The following NEK10 variants were observed in gnomAD, a reference collection of about 807,000 sequenced individuals.
NEK10 encodes the protein NIMA related kinase 10, also known as serine/threonine-protein kinase Nek10.
Under a neutral mutation model 159.8 loss-of-function variants are expected in NEK10, and 122 were observed. The ratio of observed to expected loss-of-function variants is 0.76; its 90% confidence interval spans 0.66 to 0.89. The LOEUF (loss-of-function observed/expected upper bound fraction) is 0.89. NEK10 is among the 40% of genes least tolerant of loss of function. The pLI is 0.00. For missense variants in NEK10, 1,342 were observed against 1,323.1 expected, an observed-to-expected ratio of 1.01 and a Z score of -0.22; for synonymous variants, 466 against 457.1, an observed-to-expected ratio of 1.02 and a Z score of -0.25.
intron 1 of NEK10, among the ~76,000 whole-genome samples, chr3:27,365,619 T>TTTTTTTTTTAGATTTTTTTG (rs2049019692): frequency 7.3e-6 from 1 of 137,828 alleles, no homozygotes; most frequent in Non-Finnish European, 1.5e-5. Context: ...TGTTTTTTTT[T>TTTTTTTTTTAGATTTTTTTG]TTTTTTTTTT....
intron 25 of NEK10, among the ~76,000 whole-genome samples, chr3:27,197,135 C>T (rs141210126): frequency 7.2e-4 from 110 of 151,912 alleles, no homozygotes; most frequent in Middle Eastern, 3.4e-3. Flanking sequence ...AAAACAGGGA[C>T]GCAGAAATAA....
At chr3:27,347,881 C>T (rs1038350439) in intron 3 of NEK10, among the ~76,000 whole-genome samples, 3 of 152,082 alleles carry the variant, frequency 2.0e-5, no homozygotes, top group Admixed American at 2.0e-4. Context: ...TCTCTCTGTG[C>T]ATCAGTTTCT....
At chr3:27,151,864 C>A (rs1944910734) in intron 30 of NEK10, among the ~76,000 whole-genome samples, 1 of 152,092 alleles carries the variant, frequency 6.6e-6, no homozygotes, top group African/African-American at 2.4e-5. Context: ...GCAAAATGCT[C>A]TGGAAAGTCT....
intron 26 of NEK10, among the ~76,000 whole-genome samples, chr3:27,175,621 A>T (rs1471901874): frequency 6.6e-6 from 1 of 152,236 alleles, no homozygotes; most frequent in Non-Finnish European, 1.5e-5. Flanking sequence ...TCAGTAAAAA[A>T]GTACCACTTG....
intron 23 of NEK10, among the ~76,000 whole-genome samples, chr3:27,235,040 G>A (rs1032336093): frequency 6.6e-6 from 1 of 152,112 alleles, no homozygotes; most frequent in Non-Finnish European, 1.5e-5. Context: ...AATAAATGGT[G>A]CTGGGATCAC....
intron 6 of NEK10, among the ~76,000 whole-genome samples, chr3:27,318,267 C>T (rs539084488): frequency 2.6e-5 from 4 of 152,190 alleles, no homozygotes; most frequent in East Asian, 3.9e-4. Context: ...AGTTTTCTAC[C>T]GTAAGTCTGA....
At chr3:27,166,563 T>C (rs887290121) in intron 29 of NEK10, among the ~76,000 whole-genome samples, 15 of 152,192 alleles carry the variant, frequency 9.9e-5, no homozygotes, top group African/African-American at 3.4e-4. Context: ...AGACTTCCGC[T>C]TTTAAGAGGC....
At chr3:27,296,389 G>T (rs967578983) in intron 14 of NEK10, among the ~76,000 whole-genome samples, 1 of 152,148 alleles carries the variant, frequency 6.6e-6, no homozygotes. Flanking sequence ...AAGCCAAGAA[G>T]TAATAATTCC....
At chr3:27,201,198 T>C (rs532477215) in intron 25 of NEK10, among the ~76,000 whole-genome samples, 6 of 152,194 alleles carry the variant, frequency 3.9e-5, no homozygotes, top group Non-Finnish European at 8.8e-5. Context: ...TTATGAGGTT[T>C]GTCATGGTTA....
Position 27,139,822 on chromosome 3 carries a change from A to C in NEK10, c.2970+1660T>G, listed in dbSNP as rs566540539. Among the ~76,000 whole-genome samples the C allele has an allele frequency of 1.7e-4, 26 of 152,202 alleles. No individual in the cohort carries two copies. The South Asian group carries it at 5.4e-3, about 32-fold the overall frequency. On this transcript the variant is annotated intron_variant, in intron 31 of 35. Transcript: ENST00000691995. ...TTTACCATGTGTGACTTGCACACCC[A>C]CTCCCTAACCACATTCAGCAAGAAC...
intron 30 of NEK10, among the ~76,000 whole-genome samples, chr3:27,148,681 T>C (rs1468274464): frequency 3.3e-5 from 5 of 152,194 alleles, no homozygotes; most frequent in South Asian, 2.1e-4. Context: ...TCGCTGTTAA[T>C]TCAATTATTT....
At position 27,235,220 on chromosome 3, in the gene NEK10, T is replaced by A. The variant is rs558661933; in HGVS notation, c.2090+21076A>T. 3.3e-5 allele frequency among the ~76,000 whole-genome samples: 5 copies of A among 152,086 alleles called. No homozygotes were observed. In the East Asian group the frequency reaches 7.7e-4, roughly 24 times the overall value. The stretch of plus-strand genomic sequence containing the variant: ...ATAGGCACTGACAAAGATTTCATGA[T>A]GAAGATGCCAAAAGTAATTGCAACA... On this transcript the variant is annotated intron_variant, in intron 23 of 35. Transcript: ENST00000691995.
intron 30 of NEK10, among the ~76,000 whole-genome samples, chr3:27,160,779 G>A (rs1253631559): frequency 6.6e-6 from 1 of 152,026 alleles, no homozygotes; most frequent in African/African-American, 2.4e-5. Flanking sequence ...GGTAGTGGAC[G>A]CCTGTAATCC....
At chr3:27,242,210 G>C (rs1366898706) in intron 23 of NEK10, among the ~76,000 whole-genome samples, 1 of 152,286 alleles carries the variant, frequency 6.6e-6, no homozygotes, top group East Asian at 1.9e-4. Flanking sequence ...CCATGTGCTT[G>C]AAGTAAAGGC....
chr3:27,312,143 T>G lies in NEK10; in HGVS notation c.524A>C (p.Tyr175Ser). Residue 175 changes from tyrosine to serine, a missense_variant, in exon 8 of 36, where the codon TAT becomes TCT. By Grantham distance (144) the Tyr-to-Ser change is moderately radical. Coordinates refer to ENST00000691995, the MANE Select transcript of NEK10 (RefSeq NM_001394966.1). Reference sequence around the variant, plus strand: ...GTCCACAGTGTGCTGCTCTTCTCCATAGCCGAGGTACTCATTGGCTACAAT... The same window carrying G: ...GTCCACAGTGTGCTGCTCTTCTCCAGAGCCGAGGTACTCATTGGCTACAAT... ...MEIVANEYLG[Y>S]GEEQHTVDKL... 1 of 1,612,440 alleles carries G rather than the reference T, an allele frequency of 6.2e-7. No individual in the cohort carries two copies. The highest frequency in any genetic ancestry group is 8.5e-7 in the Non-Finnish European group (1 of 1,179,162).
At chr3:27,211,016 A>T (rs2149095342) in intron 23 of NEK10, among the ~76,000 whole-genome samples, 1 of 152,366 alleles carries the variant, frequency 6.6e-6, no homozygotes, top group East Asian at 1.9e-4. Flanking sequence ...AACAGTAAAA[A>T]GCAGAAGAGA....
chr3:27,362,402 C>A (rs2048755071), intron 1 of NEK10, among the ~76,000 whole-genome samples: 1 of 152,090 alleles, frequency 6.6e-6, no homozygotes, highest in Admixed American at 6.5e-5. Flanking sequence ...CATCTATATG[C>A]AGATCATTCA....
chr3:27,287,105 T>C (rs2042673545), intron 20 of NEK10, among the ~76,000 whole-genome samples: 2 of 145,264 alleles, frequency 1.4e-5, no homozygotes, highest in African/African-American at 2.6e-5. Context: ...AGCTTAGCAA[T>C]ACTTGTATTA....
chr3:27,210,055 GCCA>G (rs996934776), intron 23 of NEK10, among the ~76,000 whole-genome samples: 10 of 150,236 alleles, frequency 6.7e-5, no homozygotes, highest in African/African-American at 2.4e-4. Context: ...TTTACCACAG[GCCA>G]CCATCTATTT....
Sources: allele counts gnomAD v4.1 joint callset (sites outside exome capture counted in the v4.1 genomes callset), GRCh38; gene constraint gnomAD v4.1.1; transcripts MANE v1.5; gene names NCBI Gene and HGNC (gene_info 2026-07-23, HGNC 2026-07-21).